Variants in OPCML observed in about 807,000 individuals in gnomAD.
OPCML encodes the protein opioid-binding protein/cell adhesion molecule.
A neutral mutation model predicts 37.8 loss-of-function variants in OPCML; 13 were observed. The ratio of observed to expected loss-of-function variants is 0.34; its 90% CI spans 0.22 to 0.55. The LOEUF (loss-of-function observed/expected upper bound fraction) is 0.55, where lower values mean the gene tolerates loss of function less well. OPCML is among the 20% of genes least tolerant of loss of function. OPCML has a pLI of 0.91. For missense variants in OPCML, 341 were observed against 435.6 expected, an observed-to-expected ratio of 0.78 and a Z score of 1.93; for synonymous variants, 176 against 168.8, an observed-to-expected ratio of 1.04 and a Z score of -0.33.
chr11:132,949,669 T>A lies in OPCML; in HGVS notation c.62-6659A>T, dbSNP rs145834918. 1.9e-3 allele frequency among the ~76,000 whole-genome samples: 284 copies of A among 152,328 alleles called. 2 individuals carry two copies. Among genetic ancestry groups the A allele is most frequent in the Non-Finnish European group, 2.9e-3 (194 of 68,034 alleles). On this transcript the variant is annotated intron_variant, in intron 1 of 7. Coordinates refer to ENST00000524381, the MANE Select transcript of OPCML (RefSeq NM_001012393.5). ...AAAAATGACAAAAAATGTAACACGA[T>A]TTTTACTTATTCATTTATGAATTTA... is the stretch of plus-strand genomic sequence containing the variant.
intron 1 of OPCML, among the ~76,000 whole-genome samples, chr11:133,141,649 C>G (rs1043215204): frequency 6.6e-6 from 1 of 152,134 alleles, no homozygotes; most frequent in African/African-American, 2.4e-5. Flanking sequence ...CTGCTCCCAG[C>G]AAGAATCCCT....
rs567140843 is a variant in OPCML, at chr11:132,455,093, A to G, written c.506-17734T>C. On this transcript the variant is annotated intron_variant, in intron 4 of 7. Transcript: ENST00000524381. ...CTAAAACATAACAGCTACATTCTTAAACGATCTTATCTAAATCCCATGCTC... is the reference window on the plus strand; with the variant it reads ...CTAAAACATAACAGCTACATTCTTAGACGATCTTATCTAAATCCCATGCTC... Among the ~76,000 whole-genome samples the G allele has an allele frequency of 2.0e-5, 3 of 152,340 alleles. No individual in the cohort carries two copies. In the South Asian group the frequency reaches 6.2e-4, roughly 32 times the overall value.
chr11:132,817,817 C>T (rs1939721344), intron 2 of OPCML, among the ~76,000 whole-genome samples: 1 of 151,538 alleles, frequency 6.6e-6, no homozygotes, highest in Non-Finnish European at 1.5e-5. Context: ...GGATGAAATA[C>T]TTATGGCTAC....
At chr11:133,337,842 G>C (rs1943777526) in intron 1 of OPCML, among the ~76,000 whole-genome samples, 1 of 152,162 alleles carries the variant, frequency 6.6e-6, no homozygotes, top group Admixed American at 6.5e-5. Context: ...TGTTACAGCA[G>C]TACAAGATGA....
chr11:133,055,554 C>T (rs1021349970), intron 1 of OPCML, among the ~76,000 whole-genome samples: 1 of 150,222 alleles, frequency 6.7e-6, no homozygotes, highest in Non-Finnish European at 1.5e-5. Flanking sequence ...AATGCTGCCT[C>T]TATGATACTT....
At chr11:133,079,964 C>G (rs1043453236) in intron 1 of OPCML, among the ~76,000 whole-genome samples, 1 of 152,180 alleles carries the variant, frequency 6.6e-6, no homozygotes, top group African/African-American at 2.4e-5. Flanking sequence ...GAACTTCAAC[C>G]ATGTTAGAAA....
intron 1 of OPCML, among the ~76,000 whole-genome samples, chr11:133,506,568 C>G (rs1948035705): frequency 1.3e-5 from 2 of 152,138 alleles, no homozygotes; most frequent in South Asian, 4.1e-4. Context: ...ATTAGCAACA[C>G]TATTTTATTA....
chr11:133,084,918 A>G (rs1948796415), intron 1 of OPCML, among the ~76,000 whole-genome samples: 1 of 152,190 alleles, frequency 6.6e-6, no homozygotes, highest in Admixed American at 6.5e-5. Context: ...AGCCTCCACC[A>G]TATTGTTCAT....
intron 1 of OPCML, among the ~76,000 whole-genome samples, chr11:133,477,752 C>T (rs1201187365): frequency 1.3e-5 from 2 of 152,146 alleles, no homozygotes; most frequent in East Asian, 1.9e-4. Context: ...GGAGACTTTT[C>T]TCAATCTCCT....
intron 7 of OPCML, chr11:132,420,502 G>T: frequency 1.9e-6 from 1 of 528,294 alleles, no homozygotes; most frequent in Non-Finnish European, 2.4e-6. Flanking sequence ...AGCCTGCTCT[G>T]AAAGACTATG....
At chr11:133,074,760 C>T (rs919430647) in intron 1 of OPCML, among the ~76,000 whole-genome samples, 1 of 152,218 alleles carries the variant, frequency 6.6e-6, no homozygotes, top group Non-Finnish European at 1.5e-5. Flanking sequence ...ATCCAGCCCT[C>T]TCCATAATCA....
At chr11:132,571,211 G>A (rs1186647922) in intron 3 of OPCML, among the ~76,000 whole-genome samples, 1 of 151,976 alleles carries the variant, frequency 6.6e-6, no homozygotes, top group Non-Finnish European at 1.5e-5. Flanking sequence ...GTGGTTTGCT[G>A]GGGGGTCTCG....
At chr11:132,543,374 A>C (rs544150616) in intron 3 of OPCML, among the ~76,000 whole-genome samples, 1 of 152,050 alleles carries the variant, frequency 6.6e-6, no homozygotes, top group Admixed American at 6.5e-5. Context: ...ACAGCCAGGC[A>C]TGGTGGCATG....
rs1939376820 is a variant in OPCML at position 133,211,898 on chromosome 11, ACTGT to A, written c.62-268892_62-268889del. On this transcript the variant is annotated intron_variant, in intron 1 of 7. Coordinates refer to ENST00000524381, the MANE Select transcript of OPCML (RefSeq NM_001012393.5). The surrounding 1 kb of genome is among the most constrained non-coding windows in gnomAD (Gnocchi z 4.1). Reference sequence around the variant, plus strand: ...TAAAGAATGCAAAGTTGAAGCCAAGACTGTCTGCTTCTAAGACCTGCAGTACAAA... The same window carrying A: ...TAAAGAATGCAAAGTTGAAGCCAAGACTGCTTCTAAGACCTGCAGTACAAA... Among the ~76,000 whole-genome samples the A allele has an allele frequency of 1.3e-5, 2 of 152,188 alleles. No individual in the cohort carries two copies. Among genetic ancestry groups the A allele is most frequent in the African/African-American group, 4.8e-5 (2 of 41,436 alleles).
chr11:133,208,349 T>G lies in OPCML; in HGVS notation c.62-265339A>C, dbSNP rs1939198149. Among the ~76,000 whole-genome samples, 1 of 152,184 alleles carries G rather than the reference T, an allele frequency of 6.6e-6. No homozygotes were observed. The highest frequency in any genetic ancestry group is 2.1e-4 in the South Asian group (1 of 4,828). ...TGTGTTCTACTACATTCAGTATCATTGTCGAGGGGCAGCTGGGGCATGGTA... is the reference window on the plus strand; with the variant it reads ...TGTGTTCTACTACATTCAGTATCATGGTCGAGGGGCAGCTGGGGCATGGTA... On this transcript the variant is annotated intron_variant, in intron 1 of 7. Coordinates refer to ENST00000524381, the MANE Select transcript of OPCML (RefSeq NM_001012393.5). The surrounding 1 kb of genome is among the most constrained non-coding windows in gnomAD (Gnocchi z 8.9).
intron 3 of OPCML, among the ~76,000 whole-genome samples, chr11:132,561,234 C>T (rs535642397): frequency 7.9e-5 from 12 of 152,348 alleles, no homozygotes; most frequent in Admixed American, 2.0e-4. Flanking sequence ...AAGTGAACTA[C>T]TCCAACTACC....
chr11:133,499,972 A>G (rs572838182), intron 1 of OPCML, among the ~76,000 whole-genome samples: 1 of 150,688 alleles, frequency 6.6e-6, no homozygotes, highest in East Asian at 2.0e-4. Flanking sequence ...CCCGGGTTCA[A>G]GCAATTCTCC....
At chr11:132,716,439 T>TATCC (rs1356236413) in intron 2 of OPCML, among the ~76,000 whole-genome samples, 1 of 148,864 alleles carries the variant, frequency 6.7e-6, no homozygotes, top group Admixed American at 6.8e-5. Flanking sequence ...TCTATCTATC[T>TATCC]ATCTATCTAT....
chr11:133,305,148 C>T (rs2136576003), intron 1 of OPCML, among the ~76,000 whole-genome samples: 1 of 152,284 alleles, frequency 6.6e-6, no homozygotes, highest in Admixed American at 6.5e-5. Flanking sequence ...AAACCTTTCT[C>T]TTAATATTTA....
Sources: gnomAD v4.1 joint callset for allele counts (sites outside exome capture counted in the v4.1 genomes callset) on GRCh38, gnomAD v4.1.1 for gene constraint, Gnocchi (gnomAD v3.1) non-coding constraint, MANE v1.5 for transcripts, NCBI Gene and HGNC (gene_info 2026-07-23, HGNC 2026-07-21) for gene names.